LUZP1: variants seen among roughly 807,000 people sequenced by gnomAD.
The protein encoded by LUZP1 is leucine zipper protein 1.
Under a neutral mutation model 71.3 loss-of-function variants are expected in LUZP1, and 25 were observed. The ratio of observed to expected loss-of-function variants is 0.35; its 90% CI spans 0.26 to 0.49. The LOEUF (loss-of-function observed/expected upper bound fraction) is 0.49. Ranked by LOEUF, LUZP1 falls within the 20% of genes least tolerant of loss-of-function variation. The pLI, the probability that LUZP1 is intolerant of heterozygous loss-of-function variation, is 0.99. For synonymous variants in LUZP1, 481 were observed against 506.4 expected (o/e 0.95, Z 0.67); for missense variants, 1,142 against 1,300.8 (o/e 0.88, Z 1.88).
At chr1:23,123,289 C>T (rs576012523) in intron 2 of LUZP1, among the ~76,000 whole-genome samples, 42 of 151,970 alleles carry the variant, frequency 2.8e-4, no homozygotes, top group Non-Finnish European at 5.7e-4. Context: ...GTCAGGAGTT[C>T]GAGATCAGCC....
chr1:23,111,900 G>C (rs746602665), intron 2 of LUZP1, among the ~76,000 whole-genome samples: 1 of 152,002 alleles, frequency 6.6e-6, no homozygotes, highest in African/African-American at 2.4e-5. Flanking sequence ...CATAAATCTG[G>C]TCTATCTCCC....
At chr1:23,158,608 T>C (rs1034942415) in intron 2 of LUZP1, among the ~76,000 whole-genome samples, 3 of 120,798 alleles carry the variant, frequency 2.5e-5, no homozygotes, top group African/African-American at 3.3e-5. Context: ...GATCGTGCCA[T>C]TGCACCCTGA....
chr1:23,084,296 G>GTTCAT (rs1268060378), exon 5 of LUZP1: 1 of 152,208 alleles, frequency 6.6e-6, no homozygotes, highest in Non-Finnish European at 1.5e-5. Context: ...GGGAGGATCA[G>GTTCAT]TTCATTTCCT....
chr1:23,107,007 T>A (rs1643987921), intron 3 of LUZP1, among the ~76,000 whole-genome samples: 1 of 152,234 alleles, frequency 6.6e-6, no homozygotes, highest in Non-Finnish European at 1.5e-5. Context: ...CTGCTGCTCC[T>A]TCCCTACTAC....
At position 23,117,454 on chromosome 1, in the gene LUZP1, C is replaced by CCTCTCTCTCT. The variant is rs1185318512; in HGVS notation, c.-225-8337_-225-8328dup. Among the ~76,000 whole-genome samples, 118 of 13,356 alleles carry CCTCTCTCTCT rather than the reference C, an allele frequency of 8.8e-3. 8 individuals carry two copies. Among genetic ancestry groups the CCTCTCTCTCT allele is most frequent in the Middle Eastern group, 0.091 (2 of 22 alleles). The allele number at this position is 13,356 out of a possible 152,430, so 8.8% of individuals were successfully genotyped here. A position where few individuals can be genotyped will look rare whatever the true frequency, so the allele number is the denominator to read the frequency against. The stretch of plus-strand genomic sequence containing the variant: ...CACTGTACACATTCTTTTTTTTTTT[C>CCTCTCTCTCT]CTCTCTCTCTCTCTCTCTCTCTCCC... On this transcript the variant is annotated intron_variant, in intron 2 of 4. Transcript: ENST00000302291.
At chr1:23,148,518 G>C (rs1366030600) in intron 2 of LUZP1, among the ~76,000 whole-genome samples, 1 of 152,026 alleles carries the variant, frequency 6.6e-6, no homozygotes, top group African/African-American at 2.4e-5. Flanking sequence ...TTCTGAAACT[G>C]GGCAACTTCA....
At chr1:23,169,971 TACACACACAC>T (rs35087847) in intron 1 of LUZP1, among the ~76,000 whole-genome samples, 11 of 149,214 alleles carry the variant, frequency 7.4e-5, no homozygotes, top group Non-Finnish European at 8.9e-5. Context: ...TTCCTACCTT[TACACACACAC>T]ACACACACAC....
Position 23,093,818 on chromosome 1 carries a change from G to A in LUZP1, c.444C>T (p.Thr148=), listed in dbSNP as rs760563110. The change falls in exon 4 of 5, where the codon ACC becomes ACT. Residue 148 remains threonine (T), a synonymous_variant. Coordinates refer to ENST00000302291, the Ensembl canonical transcript of LUZP1. The surrounding 1 kb of genome is among the most constrained non-coding windows in gnomAD (Gnocchi z 4.2). ...TTTCCAGCTCAGAGGAGATTTTCTT[G>A]GTCAGATTTCTCTCCTCATTCAGGC... is the stretch of plus-strand genomic sequence containing the variant. 1.9e-6 allele frequency: 3 copies of A among 1,613,912 alleles called. No homozygotes were observed. The highest frequency in any genetic ancestry group is 2.2e-5 in the South Asian group (2 of 91,044).
chr1:23,103,624 T>C (rs968239395), intron 3 of LUZP1, among the ~76,000 whole-genome samples: 50 of 151,716 alleles, frequency 3.3e-4, no homozygotes, highest in African/African-American at 1.2e-3. Flanking sequence ...ACCCTACTTA[T>C]TTTTCTTCTT....
rs375180202 is a variant in LUZP1 at position 23,152,255 on chromosome 1, C to T, written c.-226+16511G>A. ...AAGGATGACAGTGTTTATTAAGGTA[C>T]GATTTTCATAACTAGGAACTTATAC... On this transcript the variant is annotated intron_variant, in intron 2 of 4. Transcript: ENST00000302291. Among the ~76,000 whole-genome samples, 18 of 152,154 alleles carry T rather than the reference C, an allele frequency of 1.2e-4. No individual in the cohort carries two copies. In the East Asian group the frequency reaches 1.9e-3, roughly 16 times the overall value.
Position 23,093,567 on chromosome 1 carries a change from G to T in LUZP1, c.695C>A (p.Ala232Asp). ...TAGGTCATTTCTTTCCAGATTAGAA[G>T]CATTCCTTGTATAATCTCGGTTCAT... The change falls in exon 4 of 5, where the codon GCT becomes GAT. Residue 232 changes from alanine to aspartate, a missense_variant. Ala to Asp is a moderately radical substitution (Grantham distance 126). Transcript: ENST00000302291. This position sits in a 1 kb window ranked among gnomAD's most constrained non-coding sequence, Gnocchi z 4.2. 6.2e-7 allele frequency: 1 copy of T among 1,613,926 alleles called. No homozygotes were observed.
intron 3 of LUZP1, among the ~76,000 whole-genome samples, chr1:23,106,124 G>C (rs1402014553): frequency 1.3e-5 from 2 of 151,860 alleles, no homozygotes; most frequent in Non-Finnish European, 2.9e-5. Context: ...TCATGGCAAG[G>C]CTTAAAGAAA....
Position 23,094,200 on chromosome 1 carries a change from T to C in LUZP1, c.62A>G (p.Gln21Arg). ...CTCATCAAGGCGGCGGCTTAGACTC[T>C]GTAGCTTAAACCGCAAGTGGCGGCT... Residue 21 changes from glutamine (Q) to arginine (R), a missense_variant, in exon 4 of 5, where the codon CAG becomes CGG. Gln to Arg is a conservative substitution (Grantham distance 43). Coordinates refer to ENST00000302291, the Ensembl canonical transcript of LUZP1. This position sits in a 1 kb window ranked among gnomAD's most constrained non-coding sequence, Gnocchi z 4.7. The C allele has an allele frequency of 6.2e-7, 1 of 1,613,828 alleles. No homozygotes were observed.
chr1:23,129,648 C>T (rs1331025286), intron 2 of LUZP1, among the ~76,000 whole-genome samples: 1 of 152,092 alleles, frequency 6.6e-6, no homozygotes, highest in African/African-American at 2.4e-5. Context: ...ATGCACATAG[C>T]CTTCTTATAA....
At chr1:23,143,597 C>T (rs1359239153) in intron 2 of LUZP1, among the ~76,000 whole-genome samples, 2 of 152,146 alleles carry the variant, frequency 1.3e-5, no homozygotes, top group Admixed American at 1.3e-4. Flanking sequence ...GATTGTTATG[C>T]TGGATAAAAC....
chr1:23,097,340 G>A (rs1643898101), intron 3 of LUZP1, among the ~76,000 whole-genome samples: 1 of 152,144 alleles, frequency 6.6e-6, no homozygotes. Context: ...CAAGTAGAAT[G>A]GACTACAGGG....
At chr1:23,113,335 T>C (rs912175534) in intron 2 of LUZP1, among the ~76,000 whole-genome samples, 20 of 150,796 alleles carry the variant, frequency 1.3e-4, no homozygotes, top group Admixed American at 4.6e-4. Context: ...TTCAGCCCAG[T>C]AGTCAAGGCT....
exon 5 of LUZP1, chr1:23,085,532 G>A (rs868134335): frequency 2.6e-5 from 4 of 152,504 alleles, no homozygotes; most frequent in African/African-American, 9.7e-5. Flanking sequence ...AAGGTAGCCA[G>A]GGACCCAGCC....
chr1:23,090,032 A>C (rs1183387645), intron 4 of LUZP1, among the ~76,000 whole-genome samples: 1 of 152,216 alleles, frequency 6.6e-6, no homozygotes, highest in African/African-American at 2.4e-5. Flanking sequence ...TGCTGGGATT[A>C]CAGGTGTGAG....
Sources: allele counts gnomAD v4.1 joint callset (sites outside exome capture counted in the v4.1 genomes callset), GRCh38; gene constraint gnomAD v4.1.1; non-coding constraint Gnocchi (gnomAD v3.1); transcripts MANE v1.5; gene names NCBI Gene and HGNC (gene_info 2026-07-23, HGNC 2026-07-21).